Variants in NUMB observed in about 807,000 individuals in gnomAD.
NUMB encodes NUMB endocytic adaptor protein.
In NUMB, 29 loss-of-function variants were observed where a neutral mutation model predicts 59.7. The ratio of observed to expected loss-of-function variants is 0.49; its 90% CI spans 0.36 to 0.66. The LOEUF (loss-of-function observed/expected upper bound fraction) is 0.66, where lower values mean the gene tolerates loss of function less well. Among genes scored for constraint, NUMB ranks in the 30% least tolerant of loss-of-function variants. The pLI is 0.00. For synonymous variants in NUMB, 288 were observed against 288.2 expected, an observed-to-expected ratio of 1.00 and a Z score of 0.01; for missense variants, 723 against 822.0, an observed-to-expected ratio of 0.88 and a Z score of 1.47.
At chr14:73,357,818 C>T (rs1258934124) in intron 3 of NUMB, among the ~76,000 whole-genome samples, 1 of 150,130 alleles carries the variant, frequency 6.7e-6, no homozygotes, top group Non-Finnish European at 1.5e-5. Flanking sequence ...GACACAAATA[C>T]AAGTATAAGA....
chr14:73,296,499 A>AGACAT (rs1889779535), intron 7 of NUMB, among the ~76,000 whole-genome samples: 1 of 152,098 alleles, frequency 6.6e-6, no homozygotes, highest in Admixed American at 6.6e-5. Flanking sequence ...TTAGTACCTT[A>AGACAT]GACATGCTAT....
chr14:73,327,873 A>C (rs542288839), intron 4 of NUMB, among the ~76,000 whole-genome samples: 2 of 152,184 alleles, frequency 1.3e-5, no homozygotes, highest in South Asian at 4.2e-4. Context: ...TTCCCTCATG[A>C]TGCCCATTTG....
At chr14:73,383,717 T>C (rs1167325057) in intron 2 of NUMB, among the ~76,000 whole-genome samples, 1 of 152,102 alleles carries the variant, frequency 6.6e-6, no homozygotes, top group East Asian at 1.9e-4. Context: ...ATTGCTTCTC[T>C]AATAAAAACA....
intron 1 of NUMB, among the ~76,000 whole-genome samples, chr14:73,423,584 T>C (rs1317423280): frequency 2.6e-5 from 4 of 151,222 alleles, no homozygotes; most frequent in African/African-American, 7.3e-5. Flanking sequence ...GAGGTTGCAG[T>C]GAGCCAAAAT....
chr14:73,444,154 C>A (rs181573548), intron 1 of NUMB, among the ~76,000 whole-genome samples: 1 of 152,256 alleles, frequency 6.6e-6, no homozygotes, highest in African/African-American at 2.4e-5. Context: ...AAACCCAACA[C>A]TTTGGGAGGC....
chr14:73,328,715 T>C (rs896484860), intron 4 of NUMB, among the ~76,000 whole-genome samples: 4 of 152,242 alleles, frequency 2.6e-5, no homozygotes, highest in African/African-American at 7.2e-5. Flanking sequence ...TGTATCCACA[T>C]CTTATTTGAT....
intron 2 of NUMB, among the ~76,000 whole-genome samples, chr14:73,367,801 C>T (rs1894446322): frequency 6.9e-6 from 1 of 144,222 alleles, no homozygotes; most frequent in Non-Finnish European, 1.5e-5. Flanking sequence ...AAGATGGATT[C>T]GTGTGGTACT....
intron 2 of NUMB, among the ~76,000 whole-genome samples, chr14:73,398,017 A>C (rs1409501547): frequency 6.6e-6 from 1 of 152,186 alleles, no homozygotes. Context: ...AAAACGAAGC[A>C]TTAACAGCTG....
intron 4 of NUMB, among the ~76,000 whole-genome samples, chr14:73,348,862 C>T (rs10444736): frequency 0.28 from 41,981 of 152,018 alleles, 6,438 homozygotes; most frequent in African/African-American, 0.39. Flanking sequence ...AGAAGAAGTG[C>T]TTCAATTAAC....
chr14:73,370,714 C>T (rs971403617), intron 2 of NUMB, among the ~76,000 whole-genome samples: 5 of 151,418 alleles, frequency 3.3e-5, no homozygotes, highest in African/African-American at 1.2e-4. Context: ...AAAAAAAAAT[C>T]AGGTTCTTCT....
intron 4 of NUMB, among the ~76,000 whole-genome samples, chr14:73,352,805 G>C (rs1156447883): frequency 6.7e-6 from 1 of 149,074 alleles, no homozygotes; most frequent in Non-Finnish European, 1.5e-5. Flanking sequence ...GCCTCCCAAA[G>C]TGCTGGGATT....
intron 2 of NUMB, among the ~76,000 whole-genome samples, chr14:73,381,578 G>A (rs1203859073): frequency 6.6e-6 from 1 of 152,086 alleles, no homozygotes; most frequent in Non-Finnish European, 1.5e-5. Context: ...CCTCAAAGTA[G>A]CTGTCCTTGA....
intron 1 of NUMB, among the ~76,000 whole-genome samples, chr14:73,444,539 T>C (rs920185030): frequency 5.3e-5 from 8 of 152,012 alleles, no homozygotes; most frequent in Non-Finnish European, 8.8e-5. Flanking sequence ...AATAAAGATG[T>C]TTAAAACTCA....
intron 6 of NUMB, among the ~76,000 whole-genome samples, chr14:73,300,055 T>G (rs1890044568): frequency 6.9e-6 from 1 of 145,362 alleles, no homozygotes; most frequent in African/African-American, 2.4e-5. Context: ...ATCATTATAT[T>G]ATTAATAAAC....
chr14:73,278,506 C>T (rs920919698), intron 12 of NUMB, among the ~76,000 whole-genome samples: 9 of 146,486 alleles, frequency 6.1e-5, no homozygotes, highest in African/African-American at 2.3e-4. Context: ...GGTGACAGAA[C>T]AATACTCCAC....
intron 4 of NUMB, among the ~76,000 whole-genome samples, chr14:73,345,095 G>T (rs1346207623): frequency 6.6e-6 from 1 of 152,166 alleles, no homozygotes; most frequent in Non-Finnish European, 1.5e-5. Flanking sequence ...CGGAATCAAC[G>T]TAGATGCCCA....
intron 2 of NUMB, among the ~76,000 whole-genome samples, chr14:73,382,858 A>G (rs999130241): frequency 3.9e-5 from 6 of 152,230 alleles, no homozygotes; most frequent in Non-Finnish European, 5.9e-5. Flanking sequence ...GAAAAGATCA[A>G]ATAGGAGCTG....
chr14:73,372,319 A>ATATATATG (rs1555375706), intron 2 of NUMB, among the ~76,000 whole-genome samples: 1 of 107,782 alleles, frequency 9.3e-6, no homozygotes, highest in African/African-American at 3.3e-5. Context: ...ATATATATAT[A>ATATATATG]TATATATATA....
intron 1 of NUMB, among the ~76,000 whole-genome samples, chr14:73,429,874 G>A (rs1446687317): frequency 1.1e-4 from 16 of 151,748 alleles, no homozygotes; most frequent in Non-Finnish European, 7.4e-5. Flanking sequence ...AAACCTGGGA[G>A]GCAGAGGTTG....
Sources: allele counts gnomAD v4.1 joint callset (sites outside exome capture counted in the v4.1 genomes callset), GRCh38; gene constraint gnomAD v4.1.1; transcripts MANE v1.5; gene names NCBI Gene and HGNC (gene_info 2026-07-23, HGNC 2026-07-21).